Variants in CAMK2B observed in about 807,000 individuals in gnomAD.
CAMK2B encodes calcium/calmodulin dependent protein kinase II beta, also known as calcium/calmodulin-dependent protein kinase type II subunit beta.
Under a neutral mutation model 93.7 loss-of-function variants are expected in CAMK2B, and 27 were observed. That is an observed-to-expected ratio of 0.29 (90% CI 0.21 to 0.40). The LOEUF (loss-of-function observed/expected upper bound fraction) is 0.40, where lower values mean the gene tolerates loss of function less well. Ranked by LOEUF, CAMK2B falls within the 10% of genes least tolerant of loss-of-function variation. CAMK2B has a pLI of 1.00. For missense variants in CAMK2B, 568 were observed against 895.8 expected (o/e 0.63, Z 4.67); for synonymous variants, 374 against 358.8 (o/e 1.04, Z -0.48).
At chr7:44,232,321 C>T (rs2096587132) in intron 16 of CAMK2B, among the ~76,000 whole-genome samples, 1 of 152,222 alleles carries the variant, frequency 6.6e-6, no homozygotes, top group African/African-American at 2.4e-5. Context: ...ATCCCTCCCA[C>T]CACCCCAGAG....
At chr7:44,238,354 C>A (rs930956778) in intron 13 of CAMK2B, among the ~76,000 whole-genome samples, 2 of 152,244 alleles carry the variant, frequency 1.3e-5, no homozygotes, top group Non-Finnish European at 2.9e-5. Flanking sequence ...GGGCACAGGG[C>A]AGCGTAGAGG....
At chr7:44,266,082 A>G (rs2096919264) in intron 2 of CAMK2B, among the ~76,000 whole-genome samples, 2 of 152,228 alleles carry the variant, frequency 1.3e-5, no homozygotes, top group Admixed American at 1.3e-4. Context: ...TCCTGTCTCC[A>G]GTGACCAAGC....
At chr7:44,228,099 GA>G (rs2096537125) in intron 19 of CAMK2B, among the ~76,000 whole-genome samples, 1 of 151,896 alleles carries the variant, frequency 6.6e-6, no homozygotes, top group South Asian at 2.1e-4. Context: ...CCTCCAGGGA[GA>G]GGCTGCTGGC....
intron 11 of CAMK2B, among the ~76,000 whole-genome samples, 198 bp from the exon 12 acceptor site, chr7:44,240,947 T>C (rs1373568562): frequency 6.6e-6 from 1 of 152,084 alleles, no homozygotes; most frequent in Non-Finnish European, 1.5e-5. Context: ...TTTCCAGAAC[T>C]ACACACACCC....
intron 5 of CAMK2B, among the ~76,000 whole-genome samples, chr7:44,251,632 C>G (rs966927769): frequency 2.0e-5 from 3 of 152,218 alleles, no homozygotes; most frequent in African/African-American, 7.2e-5. Context: ...CGTGTGCCCC[C>G]TCGCTCCCCA....
chr7:44,244,254 C>T (rs1417892190), intron 6 of CAMK2B, among the ~76,000 whole-genome samples: 1 of 152,198 alleles, frequency 6.6e-6, no homozygotes. Context: ...GAGCAGTGCC[C>T]TTGCTCAAGC....
chr7:44,260,847 C>T (rs1024938864), intron 3 of CAMK2B, among the ~76,000 whole-genome samples: 3 of 152,166 alleles, frequency 2.0e-5, no homozygotes, highest in African/African-American at 7.2e-5. Context: ...TCTGCCCCCA[C>T]CAAGCCCCAT....
At chr7:44,274,761 A>AG (rs1176402611) in intron 2 of CAMK2B, among the ~76,000 whole-genome samples, 4 of 152,234 alleles carry the variant, frequency 2.6e-5, no homozygotes, top group African/African-American at 7.2e-5. Flanking sequence ...AGGAAGGACC[A>AG]GGGGAGGGGG....
Position 44,226,559 on chromosome 7 carries a change from C to G in CAMK2B, c.1554G>C (p.Pro518=). ...EAEGPSPVGP[P]PCPSPTIPGP... ...CAGGGATAGTCGGAGATGGGCAGGG[C>G]GGGGGCCCCACTGGCGAGGGGCCCT... The change falls in exon 20 of 24, where the codon CCG becomes CCC. Residue 518 remains proline, a synonymous_variant. Transcript: ENST00000395749. The G allele has an allele frequency of 1.4e-6, 2 of 1,455,760 alleles. No homozygotes were observed. The highest frequency in any genetic ancestry group is 1.8e-6 in the Non-Finnish European group (2 of 1,110,942). The allele number at this position is 1,455,760 out of a possible 1,614,324, so 90.2% of individuals were successfully genotyped here.
chr7:44,239,575 C>G lies in CAMK2B; in HGVS notation c.1021+14G>C, dbSNP rs758719189. 2 of 1,545,934 alleles carry G rather than the reference C, an allele frequency of 1.3e-6. No individual in the cohort carries two copies. The highest frequency in any genetic ancestry group is 1.2e-5 in the South Asian group (1 of 83,940). On this transcript the variant is annotated intron_variant, in intron 13 of 23. Transcript: ENST00000395749. The stretch of plus-strand genomic sequence containing the variant: ...GGGCGGGAGCGGGCGGGACGCTGGT[C>G]GAGACACATCTACCTTGTTCCACCA...
intron 1 of CAMK2B, among the ~76,000 whole-genome samples, chr7:44,318,106 G>A (rs1795249860): frequency 6.6e-6 from 1 of 152,186 alleles, no homozygotes; most frequent in African/African-American, 2.4e-5. Flanking sequence ...CCTTTGCCCA[G>A]AAAGCCCCTA....
rs1583657274 is a variant in CAMK2B, at chr7:44,217,237, G to A, written c.*2288C>T. ...TTTGTACACTTACAAGGCTCAGAAA[G>A]AAAAGACAATGAAACTCAGCAAAAA... On this transcript the variant is annotated 3_prime_UTR_variant, in exon 24 of 24. Transcript: ENST00000395749. The A allele has an allele frequency of 6.6e-6, 1 of 152,624 alleles. No homozygotes were observed. Among genetic ancestry groups the A allele is most frequent in the African/African-American group, 2.4e-5 (1 of 41,440 alleles). The allele number at this position is 152,624 out of a possible 1,614,324, so 9.5% of individuals were successfully genotyped here. A position where few individuals can be genotyped will look rare whatever the true frequency, so the allele number is the denominator to read the frequency against.
intron 6 of CAMK2B, among the ~76,000 whole-genome samples, chr7:44,245,563 C>T (rs1229072319): frequency 1.3e-5 from 2 of 152,182 alleles, no homozygotes; most frequent in Non-Finnish European, 1.5e-5. Context: ...ACAGGAGAGC[C>T]ACTGAGTCCT....
intron 23 of CAMK2B, 89 bp downstream of exon 23, chr7:44,219,971 C>T: frequency 4.4e-6 from 5 of 1,125,056 alleles, no homozygotes; most frequent in Non-Finnish European, 6.3e-6. Context: ...TGCACAGGCC[C>T]CACCGCTCCC....
chr7:44,317,564 C>T (rs1181469870), intron 1 of CAMK2B, among the ~76,000 whole-genome samples: 5 of 152,074 alleles, frequency 3.3e-5, no homozygotes, highest in South Asian at 2.1e-4. Context: ...ATTACAGGCA[C>T]GAGCCACCGC....
intron 1 of CAMK2B, 146 bp downstream of exon 1, chr7:44,325,211 C>T (rs1466775188): frequency 4.0e-5 from 11 of 277,068 alleles, no homozygotes; most frequent in African/African-American, 9.3e-5. Flanking sequence ...GTCGGGGCCG[C>T]GCGGGGCCGT....
Position 44,234,619 on chromosome 7 carries a change from G to A in CAMK2B, c.1059+20C>T, listed in dbSNP as rs2096609004. ...AGGCTCTGGGCTCCCCGGCACCACA[G>A]GGCCCGGCTGGAGCCTCACCTTGAC... On this transcript the variant is annotated intron_variant, in intron 14 of 23. Coordinates refer to ENST00000395749, the MANE Select transcript of CAMK2B (RefSeq NM_001220.5). 2 of 1,613,866 alleles carry A rather than the reference G, an allele frequency of 1.2e-6. No homozygotes were observed. Among genetic ancestry groups the A allele is most frequent in the Non-Finnish European group, 1.7e-6 (2 of 1,179,790 alleles).
chr7:44,242,254 G>C lies in CAMK2B; in HGVS notation c.783C>G (p.Ile261Met). ...GGTGCTTCAGGGCCTCATGGGCTGT[G>C]ATGCGCTTGGCAGGGTTGATGGTCA... is the stretch of plus-strand genomic sequence containing the variant. ...QMLTINPAKR[I>M]TAHEALKHPW... Residue 261 changes from isoleucine (I) to methionine (M), a missense_variant, in exon 10 of 24, where the codon ATC becomes ATG. Physicochemically the swap from Ile to Met is conservative, Grantham distance 10. This residue lies in a region of CAMK2B where 105 missense variants were observed against 372.4 expected (regional missense o/e 0.28). Coordinates refer to ENST00000395749, the MANE Select transcript of CAMK2B (RefSeq NM_001220.5). 1 of 1,614,098 alleles carries C rather than the reference G, an allele frequency of 6.2e-7. No homozygotes were observed. Among genetic ancestry groups the C allele is most frequent in the Non-Finnish European group, 8.5e-7 (1 of 1,179,932 alleles).
chr7:44,239,014 T>C (rs2096651149), intron 13 of CAMK2B, among the ~76,000 whole-genome samples: 1 of 152,158 alleles, frequency 6.6e-6, no homozygotes, highest in South Asian at 2.1e-4. Flanking sequence ...AGGAGGACTT[T>C]GCAGAAACAA....
Sources: allele counts gnomAD v4.1 joint callset (sites outside exome capture counted in the v4.1 genomes callset), GRCh38; gene constraint gnomAD v4.1.1; regional missense constraint gnomAD v4.1.1; transcripts MANE v1.5; gene names NCBI Gene and HGNC (gene_info 2026-07-23, HGNC 2026-07-21).